The following STARD3 variants were observed in gnomAD, a reference collection of about 807,000 sequenced individuals.
STARD3 encodes the protein stAR-related lipid transfer protein 3.
Under a neutral mutation model 62.0 loss-of-function variants are expected in STARD3, and 39 were observed. The observed-to-expected ratio is 0.63, with a 90% CI of 0.49 to 0.82. The LOEUF (loss-of-function observed/expected upper bound fraction) is 0.82, where lower values mean the gene tolerates loss of function less well. STARD3 is among the 40% of genes least tolerant of loss of function. The pLI, the probability that STARD3 is intolerant of heterozygous loss-of-function variation, is 0.00. For missense variants in STARD3, 543 were observed against 584.5 expected (o/e 0.93, Z 0.73); for synonymous variants, 229 against 242.4 (o/e 0.94, Z 0.51).
In STARD3 at chr17:39,659,109, AT is replaced by A; in HGVS notation, c.702+6del. 2 of 1,614,156 alleles carry A rather than the reference AT, an allele frequency of 1.2e-6. No homozygotes were observed. The highest frequency in any genetic ancestry group is 1.7e-6 in the Non-Finnish European group (2 of 1,180,024). The stretch of plus-strand genomic sequence containing the variant: ...GGAAGAAAAGTTTCTCTGCTCAGGT[AT>A]TTGCCTGCCTACCCCTAACCCCTGC... On this transcript the variant is annotated splice_donor_region_variant and intron_variant, in intron 8 of 14. Coordinates refer to ENST00000336308, the MANE Select transcript of STARD3 (RefSeq NM_006804.4).
At chr17:39,658,547 G>A in intron 6 of STARD3, 25 bp downstream of exon 6, 3 of 1,605,812 alleles carry the variant, frequency 1.9e-6, no homozygotes, top group Non-Finnish European at 2.6e-6. Flanking sequence ...GTAGGGGGGT[G>A]CAGCGAGGGT....
Position 39,657,015 on chromosome 17 carries a change from C to T in STARD3, c.227C>T (p.Thr76Ile). The change falls in exon 3 of 15, where the codon ACA becomes ATA. Residue 76 changes from threonine (T) to isoleucine (I), a missense_variant. Physicochemically the swap from Thr to Ile is moderately conservative, Grantham distance 89. Transcript: ENST00000336308. ...CCTGTCTCCCTCTCACAGACCAACA[C>T]AGGCATCCGTAAGAACTTGGAGCAG... ...LLWIIELNTN[T>I]GIRKNLEQEI... 6.2e-7 allele frequency: 1 copy of T among 1,614,162 alleles called. No individual in the cohort carries two copies. Among genetic ancestry groups the T allele is most frequent in the Non-Finnish European group, 8.5e-7 (1 of 1,180,016 alleles).
intron 1 of STARD3, among the ~76,000 whole-genome samples, chr17:39,647,118 G>A (rs2057033618): frequency 6.6e-6 from 1 of 151,970 alleles, no homozygotes; most frequent in Non-Finnish European, 1.5e-5. Context: ...AGAATCGCTT[G>A]CACCTGGGAG....
chr17:39,645,702 C>A (rs2057019841), intron 1 of STARD3, among the ~76,000 whole-genome samples: 1 of 151,924 alleles, frequency 6.6e-6, no homozygotes, highest in Admixed American at 6.6e-5. Context: ...AAACTCCTGA[C>A]CTCAAGGGAT....
intron 1 of STARD3, among the ~76,000 whole-genome samples, chr17:39,647,601 G>T (rs1488501448): frequency 6.6e-6 from 1 of 152,154 alleles, no homozygotes; most frequent in African/African-American, 2.4e-5. Flanking sequence ...CGCCACGGTG[G>T]GTTTTCATCA....
rs1452526390 is a variant in STARD3, at chr17:39,663,414, TCCTC to T, written c.*509_*512del. 2 of 239,358 alleles carry T rather than the reference TCCTC, an allele frequency of 8.4e-6. No individual in the cohort carries two copies. Among genetic ancestry groups the T allele is most frequent in the African/African-American group, 4.6e-5 (2 of 43,886 alleles). The allele number at this position is 239,358 out of a possible 1,614,324, so 14.8% of individuals were successfully genotyped here. A position where few individuals can be genotyped will look rare whatever the true frequency, so the allele number is the denominator to read the frequency against. On this transcript the variant is annotated 3_prime_UTR_variant, in exon 15 of 15. Transcript: ENST00000336308. ...CTCTGCCTCTCCCAGGCTGTCCCCC[TCCTC>T]CCAGGGCCTCCTGGGGGACCTTTGT... is the stretch of plus-strand genomic sequence containing the variant.
chr17:39,663,004 C>A lies in STARD3; in HGVS notation c.*96C>A, dbSNP rs753267216. 4.9e-6 allele frequency: 6 copies of A among 1,230,250 alleles called. No individual in the cohort carries two copies. In the South Asian group the frequency reaches 7.4e-5, roughly 15 times the overall value. 76.2% of individuals were successfully genotyped at this position (1,230,250 alleles called of 1,614,324 possible). ...TGGGCTCGCACTGCCCACATGGGACCTGGCCCCAGGCTGTCACCCTCCACC... is the reference window on the plus strand; with the variant it reads ...TGGGCTCGCACTGCCCACATGGGACATGGCCCCAGGCTGTCACCCTCCACC... On this transcript the variant is annotated 3_prime_UTR_variant, in exon 15 of 15. Transcript: ENST00000336308.
chr17:39,644,981 C>T (rs1299526989), intron 1 of STARD3, among the ~76,000 whole-genome samples: 4 of 152,116 alleles, frequency 2.6e-5, no homozygotes, highest in Non-Finnish European at 2.9e-5. Context: ...TGGGGTATGA[C>T]GAAGGGCTAG....
Position 39,657,975 on chromosome 17 carries a change from CACG to C in STARD3, c.382_384del (p.Thr128del), listed in dbSNP as rs754828243. 1 of 1,586,896 alleles carries C rather than the reference CACG, an allele frequency of 6.3e-7. No individual in the cohort carries two copies. The highest frequency in any genetic ancestry group is 1.3e-5 in the African/African-American group (1 of 74,658). ...TCCTCCCTCCCTCCCCTGGGCAGGT[CACG>C]ACGCTGGTGTCCAGTGCATTCCTCA... On this transcript the variant is annotated inframe_deletion, in exon 5 of 15. Coordinates refer to ENST00000336308, the MANE Select transcript of STARD3 (RefSeq NM_006804.4).
At position 39,660,349 on chromosome 17, in the gene STARD3, G is replaced by A; in HGVS notation, c.858+76G>A. 6.2e-7 allele frequency: 1 copy of A among 1,610,138 alleles called. No homozygotes were observed. Among genetic ancestry groups the A allele is most frequent in the Non-Finnish European group, 8.5e-7 (1 of 1,176,876 alleles). On this transcript the variant is annotated intron_variant, in intron 10 of 14. Coordinates refer to ENST00000336308, the MANE Select transcript of STARD3 (RefSeq NM_006804.4). The surrounding 1 kb of genome is among the most constrained non-coding windows in gnomAD (Gnocchi z 4.8). Reference sequence around the variant, plus strand: ...CAGGAAGGTGCCGAGGGGCCCTCTGGTGGGTGCCCCCCACCAAGAGGGAAG... The same window carrying A: ...CAGGAAGGTGCCGAGGGGCCCTCTGATGGGTGCCCCCCACCAAGAGGGAAG...
At chr17:39,643,025 G>A (rs2056994682) in intron 1 of STARD3, among the ~76,000 whole-genome samples, 1 of 152,112 alleles carries the variant, frequency 6.6e-6, no homozygotes, top group South Asian at 2.1e-4. Flanking sequence ...TGGGGCACTG[G>A]GGAGATGTGA....
chr17:39,661,120 G>A (rs1464052419), intron 13 of STARD3, 35 bp downstream of exon 13: 2 of 1,597,666 alleles, frequency 1.3e-6, no homozygotes, highest in East Asian at 2.2e-5. Context: ...ACCCCTGCCA[G>A]CCCCTCCCCT....
intron 1 of STARD3, among the ~76,000 whole-genome samples, chr17:39,643,584 G>A (rs1405493504): frequency 6.6e-6 from 1 of 152,110 alleles, no homozygotes; most frequent in Non-Finnish European, 1.5e-5. Flanking sequence ...TCCCCTAACT[G>A]GCACCCTCCT....
Position 39,660,589 on chromosome 17 carries a change from C to T in STARD3, c.954+63C>T, listed in dbSNP as rs62077536. On this transcript the variant is annotated intron_variant, in intron 11 of 14. Coordinates refer to ENST00000336308, the MANE Select transcript of STARD3 (RefSeq NM_006804.4). This position sits in a 1 kb window ranked among gnomAD's most constrained non-coding sequence, Gnocchi z 4.8. ...GGGCACAGCCACGCCTCAGTGGGATCACTGAAGCACTCAGCGCCTCAGCTG... is the reference window on the plus strand; with the variant it reads ...GGGCACAGCCACGCCTCAGTGGGATTACTGAAGCACTCAGCGCCTCAGCTG... The T allele has an allele frequency of 0.015, 23,260 of 1,558,634 alleles. 258 individuals are homozygous for T. Among genetic ancestry groups the T allele is most frequent in the Non-Finnish European group, 0.018 (19,932 of 1,131,462 alleles).
intron 1 of STARD3, among the ~76,000 whole-genome samples, chr17:39,644,408 A>G (rs1437666701): frequency 6.6e-6 from 1 of 152,108 alleles, no homozygotes; most frequent in Non-Finnish European, 1.5e-5. Context: ...GGTGCCAGGC[A>G]CTGTCCTAGG....
At chr17:39,643,561 T>C (rs1360764371) in intron 1 of STARD3, among the ~76,000 whole-genome samples, 1 of 152,174 alleles carries the variant, frequency 6.6e-6, no homozygotes, top group Non-Finnish European at 1.5e-5. Flanking sequence ...CTGTCTGGTC[T>C]GCTATCCTGC....
At chr17:39,642,365 G>T (rs921757934) in intron 1 of STARD3, among the ~76,000 whole-genome samples, 3 of 152,220 alleles carry the variant, frequency 2.0e-5, no homozygotes, top group Non-Finnish European at 2.9e-5. Context: ...TTCTTGTGGA[G>T]GGAGTGCCTG....
chr17:39,645,011 C>T (rs948462128), intron 1 of STARD3, among the ~76,000 whole-genome samples: 3 of 152,198 alleles, frequency 2.0e-5, no homozygotes, highest in Admixed American at 6.5e-5. Flanking sequence ...CTGTCTGTGG[C>T]TCTGCAGCCT....
chr17:39,657,879 C>T (rs762258464), intron 4 of STARD3, 27 bp downstream of exon 4: 30 of 1,614,178 alleles, frequency 1.9e-5, no homozygotes, highest in Non-Finnish European at 2.5e-5. Flanking sequence ...CTGGCAGCTT[C>T]TGGGCCCTGG....
Sources: allele counts gnomAD v4.1 joint callset (sites outside exome capture counted in the v4.1 genomes callset), GRCh38; gene constraint gnomAD v4.1.1; non-coding constraint Gnocchi (gnomAD v3.1); transcripts MANE v1.5; gene names NCBI Gene and HGNC (gene_info 2026-07-23, HGNC 2026-07-21).